Variants in MTUS1 observed in about 807,000 individuals in gnomAD.
MTUS1 encodes the protein microtubule associated scaffold protein 1, also known as microtubule-associated tumor suppressor 1.
MTUS1 carries 109 observed loss-of-function variants against 120.8 expected under a neutral mutation model. The observed-to-expected ratio is 0.90, with a 90% CI of 0.77 to 1.06. MTUS1 has a LOEUF of 1.06. Among genes scored for constraint, MTUS1 ranks in the 50% least tolerant of loss-of-function variants. MTUS1 has a pLI of 0.00. For missense variants in MTUS1, 2,210 were observed against 1,486.3 expected, an observed-to-expected ratio of 1.49 and a Z score of -8.01; for synonymous variants, 737 against 550.5, an observed-to-expected ratio of 1.34 and a Z score of -4.74.
chr8:17,799,148 TGAG>T (rs1443258936), intron 1 of MTUS1, among the ~76,000 whole-genome samples: 1 of 152,138 alleles, frequency 6.6e-6, no homozygotes, highest in African/African-American at 2.4e-5. Context: ...TCAATATGTA[TGAG>T]GAGATCTTCC....
At chr8:17,756,308 G>A (rs1403457500) in intron 1 of MTUS1, among the ~76,000 whole-genome samples, 1 of 152,140 alleles carries the variant, frequency 6.6e-6, no homozygotes, top group African/African-American at 2.4e-5. Context: ...TTGGCTGACA[G>A]AGTGACAATT....
rs1436538157 is a variant in MTUS1, at chr8:17,747,390, C to A, written c.2092-3591G>T. Among the ~76,000 whole-genome samples, 6 of 152,284 alleles carry A rather than the reference C, an allele frequency of 3.9e-5. No individual in the cohort carries two copies. In the South Asian group the frequency reaches 1.2e-3, roughly 32 times the overall value. On this transcript the variant is annotated intron_variant, in intron 2 of 14. Coordinates refer to ENST00000693296, the MANE Select transcript of MTUS1 (RefSeq NM_001363059.2). ...TGCCCACCACCACATCTTGTTCCCC[C>A]TCCTGCAGCACAGCAGTCTACTCAC... is the stretch of plus-strand genomic sequence containing the variant.
At chr8:17,750,289 A>G (rs540458853) in intron 2 of MTUS1, among the ~76,000 whole-genome samples, 2 of 152,344 alleles carry the variant, frequency 1.3e-5, no homozygotes, top group Admixed American at 1.3e-4. Context: ...ACTGTACACA[A>G]ACTAACAAAG....
At chr8:17,679,750 G>A (rs911415299) in intron 7 of MTUS1, among the ~76,000 whole-genome samples, 14 of 152,196 alleles carry the variant, frequency 9.2e-5, no homozygotes, top group South Asian at 8.3e-4. Flanking sequence ...CGATCCACCC[G>A]CCTCAGCCTC....
chr8:17,786,384 C>G (rs930150841), intron 1 of MTUS1, among the ~76,000 whole-genome samples: 2 of 152,062 alleles, frequency 1.3e-5, no homozygotes, highest in African/African-American at 4.8e-5. Flanking sequence ...CAGGCACCAT[C>G]TCAGATAAAA....
At chr8:17,751,546 T>G (rs563033429) in intron 2 of MTUS1, among the ~76,000 whole-genome samples, 1 of 145,112 alleles carries the variant, frequency 6.9e-6, no homozygotes, top group African/African-American at 2.5e-5. Flanking sequence ...TAGAGAGCAC[T>G]GTGCTTCAGA....
intron 6 of MTUS1, among the ~76,000 whole-genome samples, chr8:17,687,906 T>C (rs1022397099): frequency 6.6e-6 from 1 of 152,226 alleles, no homozygotes; most frequent in Non-Finnish European, 1.5e-5. Context: ...TGCCCATTTC[T>C]CAGGCTCAAA....
chr8:17,647,952 C>G (rs76756081), intron 13 of MTUS1, among the ~76,000 whole-genome samples: 4,698 of 152,224 alleles, frequency 0.031, 174 homozygotes, highest in African/African-American at 0.088. Context: ...TTAAGACATC[C>G]TGTTATCCAG....
At chr8:17,661,089 G>A (rs1288184771) in intron 8 of MTUS1, among the ~76,000 whole-genome samples, 1 of 152,124 alleles carries the variant, frequency 6.6e-6, no homozygotes, top group Non-Finnish European at 1.5e-5. Context: ...AGTAACCACA[G>A]AAGAAAAAAT....
At position 17,684,312 on chromosome 8, in the gene MTUS1, G is replaced by A. The variant is rs773546034; in HGVS notation, c.2838+16C>T. 28 of 1,605,494 alleles carry A rather than the reference G, an allele frequency of 1.7e-5. No homozygotes were observed. The East Asian group carries it at 2.7e-4, about 15-fold the overall frequency. ...ACCTCAAGTAGAAAGGCTCTTTCTA[G>A]GATGCACCTCCTTACCTCAGACAGC... On this transcript the variant is annotated intron_variant, in intron 7 of 14. Transcript: ENST00000693296.
At chr8:17,653,543 G>A (rs370254370) in intron 10 of MTUS1, 45 bp from the exon 11 acceptor site, 5 of 1,375,682 alleles carry the variant, frequency 3.6e-6, no homozygotes, top group Non-Finnish European at 5.1e-6. Context: ...CATTCTATGA[G>A]ATCAATGTAC....
At chr8:17,776,833 T>C (rs1376949767) in intron 1 of MTUS1, among the ~76,000 whole-genome samples, 6 of 152,172 alleles carry the variant, frequency 3.9e-5, no homozygotes, top group African/African-American at 1.4e-4. Context: ...TAACAACTGT[T>C]TTCCTATCTA....
intron 12 of MTUS1, chr8:17,651,738 C>G (rs1807048675): frequency 6.6e-6 from 1 of 152,176 alleles, no homozygotes. Flanking sequence ...GCTTACGTGA[C>G]AGAAGCGGTT....
intron 6 of MTUS1, among the ~76,000 whole-genome samples, chr8:17,701,238 T>C (rs1385820285): frequency 6.6e-6 from 1 of 152,230 alleles, no homozygotes; most frequent in Non-Finnish European, 1.5e-5. Context: ...TTCTTCATTT[T>C]ACTCCTCACA....
At position 17,754,891 on chromosome 8, in the gene MTUS1, G is replaced by A. The variant is rs757018943; in HGVS notation, c.917C>T (p.Ala306Val). 1.9e-6 allele frequency: 3 copies of A among 1,614,238 alleles called. No individual in the cohort carries two copies. The South Asian group carries it at 3.3e-5, about 18-fold the overall frequency. ...SDGMEVPNDS[A>V]LQEFFCLSHD... ...GGATAAACAAAAGAACTCTTGTAATGCAGAATCATTGGGGACTTCCATGCC... is the reference window on the plus strand; with the variant it reads ...GGATAAACAAAAGAACTCTTGTAATACAGAATCATTGGGGACTTCCATGCC... The change falls in exon 2 of 15, where the codon GCA becomes GTA. Residue 306 changes from alanine (A) to valine (V), a missense_variant. Coordinates refer to ENST00000693296, the MANE Select transcript of MTUS1 (RefSeq NM_001363059.2).
chr8:17,756,814 C>T (rs903340901), intron 1 of MTUS1, among the ~76,000 whole-genome samples: 2 of 152,128 alleles, frequency 1.3e-5, no homozygotes, highest in Non-Finnish European at 2.9e-5. Flanking sequence ...TGCTCTCCCA[C>T]TCTTGGTTCA....
chr8:17,680,464 C>CAAAAAA (rs58490523), intron 7 of MTUS1, among the ~76,000 whole-genome samples: 2 of 24,312 alleles, frequency 8.2e-5, no homozygotes, highest in Non-Finnish European at 1.7e-4. Context: ...GCCACTGTCG[C>CAAAAAA]AAAAAAAAAA....
chr8:17,672,697 C>G (rs1812272870), intron 8 of MTUS1, among the ~76,000 whole-genome samples: 1 of 152,206 alleles, frequency 6.6e-6, no homozygotes, highest in South Asian at 2.1e-4. Flanking sequence ...GCAGCAATGA[C>G]ACATTCCCTA....
rs1805354889 is a variant in MTUS1, at chr8:17,644,085, A to C, written c.*1841T>G. 1 of 152,204 alleles carries C rather than the reference A, an allele frequency of 6.6e-6. No individual in the cohort carries two copies. The highest frequency in any genetic ancestry group is 1.5e-5 in the Non-Finnish European group (1 of 68,038). The allele number at this position is 152,204 out of a possible 1,614,324, so 9.4% of individuals were successfully genotyped here. A position where few individuals can be genotyped will look rare whatever the true frequency, so the allele number is the denominator to read the frequency against. On this transcript the variant is annotated 3_prime_UTR_variant, in exon 15 of 15. Coordinates refer to ENST00000693296, the MANE Select transcript of MTUS1 (RefSeq NM_001363059.2). Reference sequence around the variant, plus strand: ...GACAGCAGGGAACAACACAAGATTTACCATGCCTAGGGGATGAATGGCAAA... The same window carrying C: ...GACAGCAGGGAACAACACAAGATTTCCCATGCCTAGGGGATGAATGGCAAA...
Sources: allele counts gnomAD v4.1 joint callset (sites outside exome capture counted in the v4.1 genomes callset), GRCh38; gene constraint gnomAD v4.1.1; transcripts MANE v1.5; gene names NCBI Gene and HGNC (gene_info 2026-07-23, HGNC 2026-07-21).